Variants in CCDC39 observed in about 807,000 individuals in gnomAD.
CCDC39 encodes coiled-coil domain-containing protein 39.
Under a neutral mutation model 121.0 loss-of-function variants are expected in CCDC39, and 113 were observed. The ratio of observed to expected loss-of-function variants is 0.93; its 90% CI spans 0.80 to 1.09. The LOEUF is 1.09. CCDC39 is among the 50% of genes least tolerant of loss of function. CCDC39 has a pLI of 0.00. For synonymous variants in CCDC39, 349 were observed against 352.2 expected (o/e 0.99, Z 0.10); for missense variants, 1,063 against 1,074.7 (o/e 0.99, Z 0.15).
intron 7 of CCDC39, among the ~76,000 whole-genome samples, chr3:180,652,764 A>C (rs985473824): frequency 5.3e-5 from 8 of 152,116 alleles, no homozygotes; most frequent in African/African-American, 1.9e-4. Context: ...CCTTTGCAAA[A>C]ACCCTAAACT....
In CCDC39 at chr3:180,676,395, CTCA is replaced by C. The variant is rs1461528976; in HGVS notation, c.90+2893_90+2895del. Among the ~76,000 whole-genome samples, 37 of 152,306 alleles carry C rather than the reference CTCA, an allele frequency of 2.4e-4. No homozygotes were observed. The East Asian group carries it at 7.1e-3, about 29-fold the overall frequency. On this transcript the variant is annotated intron_variant, in intron 1 of 19. Transcript: ENST00000476379. ...TGCAGCCAACAGACATGAAAAAATG[CTCA>C]TCATCACTGGCCATCAGAGAAATGC...
rs770550686 is a variant in CCDC39, at chr3:180,660,747, G to C, written c.358-19C>G. On this transcript the variant is annotated intron_variant, in intron 3 of 19. Coordinates refer to ENST00000476379, the MANE Select transcript of CCDC39 (RefSeq NM_181426.2). ...TGCCATTCTAATTTCCAAAGAGAGA[G>C]AGAAAAGGGGAGATTACAAAACATT... 8 of 1,584,392 alleles carry C rather than the reference G, an allele frequency of 5.0e-6. No individual in the cohort carries two copies. In the African/African-American group the frequency reaches 5.4e-5, roughly 11 times the overall value.
intron 1 of CCDC39, among the ~76,000 whole-genome samples, chr3:180,672,954 A>G (rs1032900606): frequency 1.3e-5 from 2 of 152,216 alleles, no homozygotes; most frequent in Non-Finnish European, 2.9e-5. Context: ...TGAGTTTGAG[A>G]GGTTCAAGAC....
intron 9 of CCDC39, among the ~76,000 whole-genome samples, chr3:180,649,549 A>G (rs61111878): frequency 0.34 from 51,224 of 152,060 alleles, 11,322 homozygotes; most frequent in African/African-American, 0.63. Context: ...AATTTTCTAT[A>G]GGTTTAAGAT....
chr3:180,622,788 C>T (rs1043302382), intron 14 of CCDC39, among the ~76,000 whole-genome samples: 5 of 151,908 alleles, frequency 3.3e-5, no homozygotes, highest in African/African-American at 1.2e-4. Flanking sequence ...TATTATCTTC[C>T]TGATGTGCTG....
At chr3:180,665,687 T>C (rs1711856581) in intron 1 of CCDC39, among the ~76,000 whole-genome samples, 2 of 151,990 alleles carry the variant, frequency 1.3e-5, no homozygotes, top group Admixed American at 6.5e-5. Context: ...ATTTTTGCCG[T>C]TTCCCATGGA....
intron 10 of CCDC39, 75 bp from the exon 11 acceptor site, chr3:180,647,318 T>C: frequency 1.6e-6 from 2 of 1,287,770 alleles, no homozygotes; most frequent in Non-Finnish European, 2.1e-6. Flanking sequence ...ACAAAGTGAA[T>C]ACTTTCTTAT....
chr3:180,634,501 A>G (rs576120093), intron 13 of CCDC39, among the ~76,000 whole-genome samples: 6 of 152,248 alleles, frequency 3.9e-5, no homozygotes, highest in African/African-American at 1.4e-4. Flanking sequence ...GGATGAAGCC[A>G]TCAGGAGACA....
At chr3:180,677,705 T>G (rs1712275330) in intron 1 of CCDC39, among the ~76,000 whole-genome samples, 1 of 152,150 alleles carries the variant, frequency 6.6e-6, no homozygotes, top group South Asian at 2.1e-4. Context: ...ATACCGCATA[T>G]ATATAATTCC....
intron 9 of CCDC39, 132 bp downstream of exon 9, chr3:180,651,269 G>A (rs1718201590): frequency 1.5e-6 from 1 of 682,252 alleles, no homozygotes; most frequent in East Asian, 2.9e-5. Flanking sequence ...TCCAAAACCA[G>A]ATTATAAATG....
Position 180,659,596 on chromosome 3 carries a change from C to G in CCDC39, c.610-16G>C, listed in dbSNP as rs1351662479. ...CCAATTCTAACTGTCAAACAGAGAG[C>G]AAAGAACATTTCTGTGAATTTAAGT... On this transcript the variant is annotated splice_polypyrimidine_tract_variant and intron_variant, in intron 5 of 19. Coordinates refer to ENST00000476379, the MANE Select transcript of CCDC39 (RefSeq NM_181426.2). 1 of 1,607,882 alleles carries G rather than the reference C, an allele frequency of 6.2e-7. No individual in the cohort carries two copies. Among genetic ancestry groups the G allele is most frequent in the Non-Finnish European group, 8.5e-7 (1 of 1,177,252 alleles).
chr3:180,616,560 C>T lies in CCDC39; in HGVS notation c.2542G>A (p.Glu848Lys). 1 of 1,596,974 alleles carries T rather than the reference C, an allele frequency of 6.3e-7. No homozygotes were observed. Among genetic ancestry groups the T allele is most frequent in the Non-Finnish European group, 8.5e-7 (1 of 1,172,298 alleles). ...AGGATAATACGGATCTCAGTATTTT[C>T]TTCTATGATATCAACTAACATTTCA... ...IDEMLVDIIE[E>K]NTEIRIILQT... is the part of the protein sequence containing the mutation. The change falls in exon 18 of 20, where the codon GAA (glutamate) becomes AAA (lysine). Residue 848 changes from glutamate to lysine, a missense_variant. Glu to Lys is a moderately conservative substitution (Grantham distance 56). Transcript: ENST00000476379.
At chr3:180,640,674 GATAA>G (rs1466442426) in intron 13 of CCDC39, among the ~76,000 whole-genome samples, 12 of 151,814 alleles carry the variant, frequency 7.9e-5, no homozygotes, top group African/African-American at 2.9e-4. Context: ...TTGAAATTTG[GATAA>G]ATATAGAAAA....
intron 18 of CCDC39, 29 bp downstream of exon 18, chr3:180,616,484 TAAG>T: frequency 4.6e-6 from 7 of 1,507,940 alleles, no homozygotes; most frequent in Non-Finnish European, 6.2e-6. Flanking sequence ...ATGAAGTTTT[TAAG>T]AAATATTTAA....
At chr3:180,672,713 T>C (rs1053054899) in intron 1 of CCDC39, among the ~76,000 whole-genome samples, 1 of 152,226 alleles carries the variant, frequency 6.6e-6, no homozygotes, top group South Asian at 2.1e-4. Context: ...CTGCAGCCCA[T>C]GGATCAACAA....
chr3:180,662,117 A>G (rs919388159), intron 2 of CCDC39, 110 bp from the exon 3 acceptor site: 7 of 961,118 alleles, frequency 7.3e-6, no homozygotes, highest in Non-Finnish European at 1.1e-5. Context: ...AATTGCTTAC[A>G]TTAAGTACTA....
At chr3:180,676,786 A>G (rs1174684283) in intron 1 of CCDC39, among the ~76,000 whole-genome samples, 1 of 152,188 alleles carries the variant, frequency 6.6e-6, no homozygotes, top group African/African-American at 2.4e-5. Context: ...TGTGGCACAT[A>G]TACACCATGG....
intron 4 of CCDC39, 65 bp downstream of exon 4, chr3:180,660,505 G>A: frequency 7.4e-7 from 1 of 1,354,016 alleles, no homozygotes; most frequent in Non-Finnish European, 9.8e-7. Context: ...TATAACTTTA[G>A]GTAAATAGGT....
intron 1 of CCDC39, among the ~76,000 whole-genome samples, chr3:180,677,622 C>G (rs1241742337): frequency 2.0e-5 from 3 of 152,002 alleles, no homozygotes; most frequent in Non-Finnish European, 4.4e-5. Context: ...CTCTTGTGAT[C>G]AAGTAATATT....
Sources: allele counts gnomAD v4.1 joint callset (sites outside exome capture counted in the v4.1 genomes callset), GRCh38; gene constraint gnomAD v4.1.1; transcripts MANE v1.5; gene names NCBI Gene and HGNC (gene_info 2026-07-23, HGNC 2026-07-21).